Variants in KRT19 observed in about 807,000 individuals in gnomAD.
The protein encoded by KRT19 is keratin, type I cytoskeletal 19.
KRT19 carries 21 observed loss-of-function variants against 34.6 expected under a neutral mutation model. That is an observed-to-expected ratio of 0.61 (90% CI 0.43 to 0.87). The LOEUF (loss-of-function observed/expected upper bound fraction) is 0.87. KRT19 is among the 40% of genes least tolerant of loss of function. KRT19 has a pLI of 0.00. For synonymous variants in KRT19, 240 were observed against 245.8 expected, an observed-to-expected ratio of 0.98 and a Z score of 0.22; for missense variants, 514 against 545.7, an observed-to-expected ratio of 0.94 and a Z score of 0.58.
At chr17:41,525,370 C>T in intron 1 of KRT19, 97 bp from the exon 2 acceptor site, 1 of 933,006 alleles carries the variant, frequency 1.1e-6, no homozygotes. Context: ...TGAATATACC[C>T]CGGCACCCTA....
rs565579263 is a variant in KRT19, at chr17:41,524,395, G to T, written c.806C>A (p.Ala269Asp). 146 of 1,614,170 alleles carry T rather than the reference G, an allele frequency of 9.0e-5. 1 individual carries two copies. The South Asian group carries it at 1.3e-3, about 15-fold the overall frequency. ...MAEQNRKDAEAWFTSRTEELN... is the reference protein window; with the variant it reads ...MAEQNRKDAEDWFTSRTEELN... Reference sequence around the variant, plus strand: ...TCTACCTACCCGGCTGGTGAACCAGGCTTCAGCATCCTTCCGGTTCTGCTC... The same window carrying T: ...TCTACCTACCCGGCTGGTGAACCAGTCTTCAGCATCCTTCCGGTTCTGCTC... The change falls in exon 4 of 6, where the codon GCC (alanine) becomes GAC (aspartate). Residue 269 changes from alanine (A) to aspartate (D), a missense_variant. By Grantham distance (126) the Ala-to-Asp change is moderately radical. Coordinates refer to ENST00000361566, the MANE Select transcript of KRT19 (RefSeq NM_002276.5).
chr17:41,526,449 ATT>A (rs35664318), intron 1 of KRT19, among the ~76,000 whole-genome samples: 93,289 of 146,246 alleles, frequency 0.64, 29,599 homozygotes, highest in East Asian at 0.88. Context: ...TATTGTCGCA[ATT>A]TTTTTTTTTT....
intron 1 of KRT19, chr17:41,525,538 G>A: frequency 4.0e-6 from 2 of 496,626 alleles, no homozygotes; most frequent in Non-Finnish European, 7.3e-6. Flanking sequence ...GGAAATCTCT[G>A]AGACCTGTGT....
chr17:41,528,297 C>G lies in KRT19; in HGVS notation c.-50G>C, dbSNP rs1285967829. On this transcript the variant is annotated 5_prime_UTR_variant, in exon 1 of 6. Transcript: ENST00000361566. The stretch of plus-strand genomic sequence containing the variant: ...AACCCTGGTCTCAGAAGCTGCGATT[C>G]GCGGGAGGAGCGGCGAGGCCCTCAC... 1.4e-6 allele frequency: 2 copies of G among 1,481,422 alleles called. No homozygotes were observed. The highest frequency in any genetic ancestry group is 8.9e-7 in the Non-Finnish European group (1 of 1,125,946). 91.8% of individuals were successfully genotyped at this position (1,481,422 alleles called of 1,614,324 possible). A position where few individuals can be genotyped will look rare whatever the true frequency, so the allele number is the denominator to read the frequency against.
chr17:41,524,979 A>C lies in KRT19; in HGVS notation c.524T>G (p.Leu175Arg). 2 of 1,614,152 alleles carry C rather than the reference A, an allele frequency of 1.2e-6. No homozygotes were observed. Among genetic ancestry groups the C allele is most frequent in the Non-Finnish European group, 1.7e-6 (2 of 1,179,970 alleles). Residue 175 changes from leucine to arginine, a missense_variant, in exon 3 of 6, where the codon CTG becomes CGG. Physicochemically the swap from Leu to Arg is moderately radical, Grantham distance 102. Transcript: ENST00000361566. ...GATGTCGGCCTCCACGCTCATGCGC[A>C]GAGCCTGTTCCGTCTCAAACCTTTC... is the stretch of plus-strand genomic sequence containing the variant. The part of the protein sequence containing the change: ...FRTKFETEQA[L>R]RMSVEADING...
At chr17:41,526,864 T>C (rs551443679) in intron 1 of KRT19, among the ~76,000 whole-genome samples, 70 of 152,304 alleles carry the variant, frequency 4.6e-4, no homozygotes, top group South Asian at 6.2e-4. Context: ...TGAGCCACAG[T>C]GCCCAGCCCC....
At position 41,524,997 on chromosome 17, in the gene KRT19, A is replaced by C. The variant is rs566697250; in HGVS notation, c.506T>G (p.Phe169Cys). ...CATGCGCAGAGCCTGTTCCGTCTCAAACCTTTCAAAGGAAATAGTTGCAGC... is the reference window on the plus strand; with the variant it reads ...CATGCGCAGAGCCTGTTCCGTCTCACACCTTTCAAAGGAAATAGTTGCAGC... ...RLAADDFRTKFETEQALRMSV... is the reference protein window; with the variant it reads ...RLAADDFRTKCETEQALRMSV... The change falls in exon 3 of 6, where the codon TTT becomes TGT. Residue 169 changes from phenylalanine to cysteine, a missense_variant and splice_region_variant. Phe to Cys is a radical substitution (Grantham distance 205, BLOSUM62 -2). Coordinates refer to ENST00000361566, the MANE Select transcript of KRT19 (RefSeq NM_002276.5). The C allele has an allele frequency of 1.9e-6, 3 of 1,613,156 alleles. No homozygotes were observed. The highest frequency in any genetic ancestry group is 2.5e-6 in the Non-Finnish European group (3 of 1,179,316).
chr17:41,527,687 C>G (rs1385245830), intron 1 of KRT19, 141 bp downstream of exon 1: 1 of 886,156 alleles, frequency 1.1e-6, no homozygotes, highest in African/African-American at 1.7e-5. Context: ...CTCCTGTCCC[C>G]CTTTACTCGG....
chr17:41,528,143 G>T lies in KRT19; in HGVS notation c.105C>A (p.Ser35Arg), dbSNP rs767726398. The T allele has an allele frequency of 6.9e-6, 11 of 1,601,748 alleles. No individual in the cohort carries two copies. In the East Asian group the frequency reaches 2.2e-4, roughly 33 times the overall value. ...FGPGVAFRAP[S>R]IHGGSGGRGV... ...CGCGGCCGCCGGAGCCCCCGTGAAT[G>T]CTGGGCGCGCGAAAGGCGACCCCCG... The change falls in exon 1 of 6, where the codon AGC (serine) becomes AGA (arginine). Residue 35 changes from serine (S) to arginine (R), a missense_variant. Physicochemically the swap from Ser to Arg is moderately radical, Grantham distance 110 (BLOSUM62 -1). Transcript: ENST00000361566.
rs751620624 is a variant in KRT19, at chr17:41,528,137, G to A, written c.111C>T (p.His37=). The stretch of plus-strand genomic sequence containing the variant: ...ATACGCCGCGGCCGCCGGAGCCCCC[G>A]TGAATGCTGGGCGCGCGAAAGGCGA... ...PGVAFRAPSI[H]GGSGGRGVSV... The change falls in exon 1 of 6, where the codon CAC becomes CAT. Residue 37 remains histidine (H), a synonymous_variant. Coordinates refer to ENST00000361566, the MANE Select transcript of KRT19 (RefSeq NM_002276.5). 3.2e-5 allele frequency: 51 copies of A among 1,603,128 alleles called. No homozygotes were observed. The highest frequency in any genetic ancestry group is 4.0e-4 in the Middle Eastern group (2 of 5,006).
chr17:41,524,337 C>A, intron 4 of KRT19, 42 bp downstream of exon 4: 1 of 1,612,002 alleles, frequency 6.2e-7, no homozygotes, highest in Non-Finnish European at 8.5e-7. Context: ...CAAAGCCCTC[C>A]CCTTCCTAAC....
Position 41,528,210 on chromosome 17 carries a change from G to C in KRT19, c.38C>G (p.Ser13Trp). 1.3e-6 allele frequency: 2 copies of C among 1,581,012 alleles called. No individual in the cohort carries two copies. The highest frequency in any genetic ancestry group is 1.7e-6 in the Non-Finnish European group (2 of 1,171,646). ...GCCGCCGCCCAGGCCTCCGAAGGAC[G>C]ACGTGGCCGACGACTGGCGATAGCT... ...SYSYRQSSAT[S>W]SFGGLGGGSV... Residue 13 changes from serine (S) to tryptophan (W), a missense_variant, in exon 1 of 6, where the codon TCG (serine) becomes TGG (tryptophan). Physicochemically the swap from Ser to Trp is radical, Grantham distance 177. Coordinates refer to ENST00000361566, the MANE Select transcript of KRT19 (RefSeq NM_002276.5).
At position 41,523,864 on chromosome 17, in the gene KRT19, T is replaced by C. The variant is rs774387167; in HGVS notation, c.1082A>G (p.Gln361Arg). The C allele has an allele frequency of 1.4e-5, 23 of 1,614,068 alleles. No individual in the cohort carries two copies. The Admixed American group carries it at 3.5e-4, about 25-fold the overall frequency. ...DVRADSERQN[Q>R]EYQRLMDIKS... ...GATGTCCATGAGCCGCTGGTACTCC[T>C]GATTCTGCCGCTCACTATCAGCTCG... is the stretch of plus-strand genomic sequence containing the variant. The change falls in exon 6 of 6, where the codon CAG becomes CGG. Residue 361 changes from glutamine to arginine, a missense_variant. Gln to Arg is a conservative substitution (Grantham distance 43). Coordinates refer to ENST00000361566, the MANE Select transcript of KRT19 (RefSeq NM_002276.5).
At position 41,524,386 on chromosome 17, in the gene KRT19, G is replaced by C; in HGVS notation, c.815C>G (p.Thr272Ser). 2 of 1,614,126 alleles carry C rather than the reference G, an allele frequency of 1.2e-6. No homozygotes were observed. The highest frequency in any genetic ancestry group is 1.1e-5 in the South Asian group (1 of 91,088). The change falls in exon 4 of 6, where the codon ACC becomes AGC. Residue 272 changes from threonine to serine, a missense_variant. By Grantham distance (58) the Thr-to-Ser change is moderately conservative (BLOSUM62 1). Coordinates refer to ENST00000361566, the MANE Select transcript of KRT19 (RefSeq NM_002276.5). ...QNRKDAEAWF[T>S]SRTEELNREV... ...CTGCTTCCCTCTACCTACCCGGCTG[G>C]TGAACCAGGCTTCAGCATCCTTCCG...
At chr17:41,527,254 G>A (rs1010605004) in intron 1 of KRT19, among the ~76,000 whole-genome samples, 1 of 152,178 alleles carries the variant, frequency 6.6e-6, no homozygotes, top group Admixed American at 6.5e-5. Context: ...CAGGGGCCAC[G>A]ACCGGCTCTC....
At chr17:41,525,514 G>A (rs975064699) in intron 1 of KRT19, 6 of 533,912 alleles carry the variant, frequency 1.1e-5, no homozygotes, top group African/African-American at 1.9e-5. Context: ...AGGGCAGGAA[G>A]GCAAGCCTGG....
intron 1 of KRT19, chr17:41,525,505 G>A: frequency 3.7e-6 from 2 of 546,070 alleles, no homozygotes; most frequent in Non-Finnish European, 6.6e-6. Flanking sequence ...GGGTGGGGGA[G>A]GGCAGGAAGG....
rs373982346 is a variant in KRT19, at chr17:41,528,254, G to A, written c.-7C>T. 15 of 1,546,776 alleles carry A rather than the reference G, an allele frequency of 9.7e-6. No homozygotes were observed. The Middle Eastern group carries it at 1.2e-3, about 122-fold the overall frequency. ...GATAGCTGTAGGAAGTCATGGCGAGGCGGAGCACGGACGGAGCAACCCTGG... is the reference window on the plus strand; with the variant it reads ...GATAGCTGTAGGAAGTCATGGCGAGACGGAGCACGGACGGAGCAACCCTGG... On this transcript the variant is annotated 5_prime_UTR_variant, in exon 1 of 6. Coordinates refer to ENST00000361566, the MANE Select transcript of KRT19 (RefSeq NM_002276.5).
Position 41,524,856 on chromosome 17 carries a change from T to C in KRT19, c.647A>G (p.Lys216Arg), listed in dbSNP as rs1194835800. 1 of 1,613,976 alleles carries C rather than the reference T, an allele frequency of 6.2e-7. No homozygotes were observed. Among genetic ancestry groups the C allele is most frequent in the Admixed American group, 1.7e-5 (1 of 60,026 alleles). The change falls in exon 3 of 6, where the codon AAG becomes AGG. Residue 216 changes from lysine (K) to arginine (R), a missense_variant. By Grantham distance (26) the Lys-to-Arg change is conservative. Coordinates refer to ENST00000361566, the MANE Select transcript of KRT19 (RefSeq NM_002276.5). ...CTTCAAACCCACCTCCTCATGGTTC[T>C]TCTTCAGGTAGGCCAGCTCTTCCTT... ...GLKEELAYLK[K>R]NHEEEISTLR...
Sources: gnomAD v4.1 joint callset for allele counts (sites outside exome capture counted in the v4.1 genomes callset) on GRCh38, gnomAD v4.1.1 for gene constraint, MANE v1.5 for transcripts, NCBI Gene and HGNC (gene_info 2026-07-23, HGNC 2026-07-21) for gene names.